Variants in SHB observed in about 807,000 individuals in gnomAD.
SHB encodes the protein SH2 domain containing adaptor protein B.
In SHB, 20 loss-of-function variants were observed where a neutral mutation model predicts 52.3. That is an observed-to-expected ratio of 0.38 (90% CI 0.27 to 0.56). SHB has a LOEUF of 0.56. Among genes scored for constraint, SHB ranks in the 20% least tolerant of loss-of-function variants. The probability of loss-of-function intolerance (pLI) is 0.71; values close to 1 mark genes in which losing one functional copy is unlikely to be tolerated. For synonymous variants in SHB, 397 were observed against 316.5 expected, an observed-to-expected ratio of 1.25 and a Z score of -2.70; for missense variants, 825 against 723.3, an observed-to-expected ratio of 1.14 and a Z score of -1.61.
intron 3 of SHB, among the ~76,000 whole-genome samples, chr9:37,964,153 G>A (rs563508494): frequency 8.2e-4 from 125 of 152,292 alleles, no homozygotes; most frequent in African/African-American, 2.6e-3. Flanking sequence ...CTCTGTGTTC[G>A]CCTGGAAGAC....
chr9:37,980,421 G>A (rs2117983020), intron 2 of SHB, among the ~76,000 whole-genome samples: 1 of 152,326 alleles, frequency 6.6e-6, no homozygotes, highest in Middle Eastern at 3.4e-3. Flanking sequence ...TTGATCATAA[G>A]ATTCCTGCAA....
intron 1 of SHB, among the ~76,000 whole-genome samples, chr9:38,044,535 TACTA>T (rs1235808287): frequency 3.9e-5 from 6 of 152,016 alleles, no homozygotes; most frequent in Non-Finnish European, 5.9e-5. Context: ...AGGTGGTAAT[TACTA>T]ACTGTTTTTA....
At chr9:37,944,957 G>C (rs1044801177) in intron 5 of SHB, among the ~76,000 whole-genome samples, 3 of 152,196 alleles carry the variant, frequency 2.0e-5, no homozygotes, top group African/African-American at 7.2e-5. Context: ...GGCCTGGCCA[G>C]GCTGAGCCCC....
At chr9:38,062,499 T>C (rs1049638976) in intron 1 of SHB, among the ~76,000 whole-genome samples, 12 of 152,140 alleles carry the variant, frequency 7.9e-5, no homozygotes, top group Non-Finnish European at 1.8e-4. Flanking sequence ...AGAGACCTTA[T>C]GCGCTCCTGC....
intron 2 of SHB, among the ~76,000 whole-genome samples, chr9:38,014,865 T>C (rs1438526141): frequency 2.0e-5 from 3 of 152,242 alleles, no homozygotes; most frequent in South Asian, 2.1e-4. Flanking sequence ...ACGCTGGACA[T>C]GGACCCGGCA....
intron 4 of SHB, 107 bp from the exon 5 acceptor site, chr9:37,948,861 G>T: frequency 7.0e-7 from 1 of 1,421,938 alleles, no homozygotes; most frequent in South Asian, 1.3e-5. Context: ...TGTACAAGCA[G>T]GCATGCACTG....
intron 2 of SHB, among the ~76,000 whole-genome samples, chr9:37,998,808 T>C (rs945504711): frequency 1.3e-5 from 2 of 152,172 alleles, no homozygotes; most frequent in Admixed American, 6.5e-5. Flanking sequence ...ATCCAAATGA[T>C]TAATATGTTT....
chr9:38,042,047 CG>C (rs766769621), intron 1 of SHB, among the ~76,000 whole-genome samples: 1 of 152,146 alleles, frequency 6.6e-6, no homozygotes. Flanking sequence ...CTGGGGCAGA[CG>C]GGGGAAACGT....
chr9:38,031,068 C>A (rs534748815), intron 1 of SHB, among the ~76,000 whole-genome samples: 1 of 152,260 alleles, frequency 6.6e-6, no homozygotes, highest in African/African-American at 2.4e-5. Context: ...ATGCCTTTAA[C>A]CCCAGCACTT....
rs1046781460 is a variant in SHB at position 37,967,479 on chromosome 9, C to T, written c.1054+7143G>A. On this transcript the variant is annotated intron_variant, in intron 3 of 5. Transcript: ENST00000377707. ...CGTATCTAGCTATTTCCGAATAAAC[C>T]AATGTACTCCAGTACAGGGTGTAGT... Among the ~76,000 whole-genome samples, 7 of 152,306 alleles carry T rather than the reference C, an allele frequency of 4.6e-5. No homozygotes were observed. In the East Asian group the frequency reaches 9.6e-4, roughly 21 times the overall value.
intron 1 of SHB, among the ~76,000 whole-genome samples, chr9:38,040,698 A>G (rs908193884): frequency 6.6e-6 from 1 of 152,112 alleles, no homozygotes; most frequent in African/African-American, 2.4e-5. Flanking sequence ...GCAAGTGAGG[A>G]AAGTGGCAGT....
chr9:37,998,826 T>C (rs905050133), intron 2 of SHB, among the ~76,000 whole-genome samples: 3 of 152,260 alleles, frequency 2.0e-5, no homozygotes, highest in African/African-American at 7.2e-5. Flanking sequence ...TTTGCAGCCA[T>C]TAAACTGACT....
chr9:38,000,638 C>T (rs1378430321), intron 2 of SHB, among the ~76,000 whole-genome samples: 1 of 152,234 alleles, frequency 6.6e-6, no homozygotes, highest in African/African-American at 2.4e-5. Flanking sequence ...CTGTACAGTC[C>T]ATTGGGAAAT....
chr9:38,051,439 C>A (rs1431856563), intron 1 of SHB, among the ~76,000 whole-genome samples: 2 of 87,314 alleles, frequency 2.3e-5, no homozygotes, highest in Non-Finnish European at 4.7e-5. Context: ...GAGACTCCGT[C>A]TAAAAAAAAA....
intron 5 of SHB, among the ~76,000 whole-genome samples, chr9:37,941,878 AG>A (rs2117871005): frequency 6.6e-6 from 1 of 152,274 alleles, no homozygotes; most frequent in Admixed American, 6.5e-5. Context: ...GGACGGCAGA[AG>A]GAAGTGGAGA....
chr9:37,964,348 A>G (rs998812263), intron 3 of SHB, among the ~76,000 whole-genome samples: 3 of 152,138 alleles, frequency 2.0e-5, no homozygotes, highest in African/African-American at 7.2e-5. Flanking sequence ...CAAACCTGGG[A>G]TGGGGACGGC....
chr9:37,932,627 G>A (rs1377441876), intron 5 of SHB, among the ~76,000 whole-genome samples: 3 of 151,330 alleles, frequency 2.0e-5, no homozygotes, highest in East Asian at 1.9e-4. Flanking sequence ...TTCACTATAG[G>A]AACATTTTTT....
chr9:37,974,080 C>G (rs1406130135), intron 3 of SHB, among the ~76,000 whole-genome samples: 1 of 152,116 alleles, frequency 6.6e-6, no homozygotes, highest in Non-Finnish European at 1.5e-5. Context: ...CATAGTGAAA[C>G]CCCGTCTCTA....
rs1820894880 is a variant in SHB at position 37,992,494 on chromosome 9, TGTGTC to T, written c.839-17662_839-17658del. On this transcript the variant is annotated intron_variant, in intron 2 of 5. Coordinates refer to ENST00000377707, the MANE Select transcript of SHB (RefSeq NM_003028.3). ...GTGGTCTTCTTTGGGGCTAGGTAAG[TGTGTC>T]ACCTGCTCAAGTACCACTAGGCTAA... 1.3e-5 allele frequency among the ~76,000 whole-genome samples: 2 copies of T among 152,220 alleles called. 1 individual carries two copies. The highest frequency in any genetic ancestry group is 4.1e-4 in the South Asian group (2 of 4,834).
Sources: gnomAD v4.1 joint callset for allele counts (sites outside exome capture counted in the v4.1 genomes callset) on GRCh38, gnomAD v4.1.1 for gene constraint, MANE v1.5 for transcripts, NCBI Gene and HGNC (gene_info 2026-07-23, HGNC 2026-07-21) for gene names.